SDR9C7: variants seen among roughly 807,000 people sequenced by gnomAD.
The protein encoded by SDR9C7 is short chain dehydrogenase/reductase family 9C member 7.
A neutral mutation model predicts 23.6 loss-of-function variants in SDR9C7; 11 were observed. That is an observed-to-expected ratio of 0.47 (90% CI 0.29 to 0.77). The LOEUF (loss-of-function observed/expected upper bound fraction) is 0.77. Ranked by LOEUF, SDR9C7 falls within the 30% of genes least tolerant of loss-of-function variation. SDR9C7 has a pLI of 0.09. For synonymous variants in SDR9C7, 167 were observed against 157.3 expected, an observed-to-expected ratio of 1.06 and a Z score of -0.46; for missense variants, 387 against 407.1, an observed-to-expected ratio of 0.95 and a Z score of 0.42.
intron 1 of SDR9C7, among the ~76,000 whole-genome samples, chr12:56,931,333 T>C (rs1955767228): frequency 1.3e-5 from 2 of 151,876 alleles, no homozygotes; most frequent in African/African-American, 4.8e-5. Context: ...ACACAGCATC[T>C]TATCCCTCAA....
intron 1 of SDR9C7, among the ~76,000 whole-genome samples, chr12:56,932,400 T>G (rs863459): frequency 0.27 from 41,458 of 152,072 alleles, 7,355 homozygotes; most frequent in African/African-American, 0.5. Context: ...GCTGGAAAAG[T>G]CGATGAGACG....
At chr12:56,931,099 G>T (rs1236243283) in intron 1 of SDR9C7, among the ~76,000 whole-genome samples, 1 of 152,072 alleles carries the variant, frequency 6.6e-6, no homozygotes, top group Non-Finnish European at 1.5e-5. Context: ...GTCAGGCGTG[G>T]TGGTATGTGC....
intron 3 of SDR9C7, among the ~76,000 whole-genome samples, chr12:56,924,467 T>C (rs1955720182): frequency 6.8e-6 from 1 of 146,024 alleles, no homozygotes; most frequent in Non-Finnish European, 1.5e-5. Flanking sequence ...CAAATAGTCT[T>C]ATTTATCTTT....
intron 1 of SDR9C7, 56 bp downstream of exon 1, chr12:56,933,905 G>T: frequency 6.5e-7 from 1 of 1,547,902 alleles, no homozygotes; most frequent in South Asian, 1.2e-5. Flanking sequence ...TGCTTCGGGA[G>T]AGAGGAAGAG....
intron 3 of SDR9C7, among the ~76,000 whole-genome samples, chr12:56,924,825 G>T (rs1400587868): frequency 6.6e-6 from 1 of 152,138 alleles, no homozygotes; most frequent in Non-Finnish European, 1.5e-5. Flanking sequence ...GGAGGCTGAG[G>T]CATGACAATC....
At chr12:56,925,936 G>C (rs1955731179) in intron 3 of SDR9C7, among the ~76,000 whole-genome samples, 1 of 152,228 alleles carries the variant, frequency 6.6e-6, no homozygotes, top group South Asian at 2.1e-4. Context: ...CAGACATGGG[G>C]AATGGTATGA....
Position 56,923,602 on chromosome 12 carries a change from C to T in SDR9C7, c.*231G>A, listed in dbSNP as rs1487560594. The T allele has an allele frequency of 7.2e-6, 3 of 417,544 alleles. No homozygotes were observed. Among genetic ancestry groups the T allele is most frequent in the Middle Eastern group, 6.3e-4 (1 of 1,590 alleles). 25.9% of individuals were successfully genotyped at this position (417,544 alleles called of 1,614,324 possible). The stretch of plus-strand genomic sequence containing the variant: ...CGTCCTTGGAGCTATTGCTGCAGAT[C>T]GCTGAACCTGCAAAGACCACCTCAG... On this transcript the variant is annotated 3_prime_UTR_variant, in exon 4 of 4. Transcript: ENST00000293502.
chr12:56,927,418 T>C (rs1470146521), intron 3 of SDR9C7, among the ~76,000 whole-genome samples: 1 of 152,164 alleles, frequency 6.6e-6, no homozygotes, highest in Non-Finnish European at 1.5e-5. Flanking sequence ...AGAGGATAAA[T>C]ATTCTTCCCC....
At chr12:56,924,539 T>C (rs760420064) in intron 3 of SDR9C7, among the ~76,000 whole-genome samples, 14 of 152,246 alleles carry the variant, frequency 9.2e-5, no homozygotes, top group Non-Finnish European at 2.1e-4. Flanking sequence ...TGAGAAGAAC[T>C]GTGCACATTC....
intron 1 of SDR9C7, 116 bp from the exon 2 acceptor site, chr12:56,930,600 T>C (rs2136369221): frequency 8.7e-7 from 1 of 1,150,112 alleles, no homozygotes; most frequent in Non-Finnish European, 1.2e-6. Context: ...AAGACATAAC[T>C]CGGTCAGGCT....
At chr12:56,930,072 G>A (rs1955758469) in intron 2 of SDR9C7, among the ~76,000 whole-genome samples, 154 bp downstream of exon 2, 1 of 152,074 alleles carries the variant, frequency 6.6e-6, no homozygotes, top group South Asian at 2.1e-4. Flanking sequence ...CCTGCTCTTG[G>A]TCCTTGGAGA....
At chr12:56,931,396 A>G (rs542274253) in intron 1 of SDR9C7, among the ~76,000 whole-genome samples, 1 of 151,662 alleles carries the variant, frequency 6.6e-6, no homozygotes, top group Non-Finnish European at 1.5e-5. Flanking sequence ...AATATATAAA[A>G]TATTTAAATA....
At chr12:56,926,534 C>T (rs999932261) in intron 3 of SDR9C7, among the ~76,000 whole-genome samples, 1 of 152,218 alleles carries the variant, frequency 6.6e-6, no homozygotes, top group East Asian at 1.9e-4. Flanking sequence ...ACCCACAGCA[C>T]TCCTGCCAGA....
At position 56,934,288 on chromosome 12, in the gene SDR9C7, AG is replaced by A. The variant is rs758249012; in HGVS notation, c.-28del. ...GGGCAAGGGGAATGTGATGGCCAAGAGGGACTGGGCTCAGGAGACAGCAGGG... is the reference window on the plus strand; with the variant it reads ...GGGCAAGGGGAATGTGATGGCCAAGAGGACTGGGCTCAGGAGACAGCAGGG... On this transcript the variant is annotated 5_prime_UTR_variant, in exon 1 of 4. Transcript: ENST00000293502. 52 of 1,593,742 alleles carry A rather than the reference AG, an allele frequency of 3.3e-5. No individual in the cohort carries two copies. The Admixed American group carries it at 6.2e-4, about 19-fold the overall frequency.
intron 3 of SDR9C7, among the ~76,000 whole-genome samples, chr12:56,925,035 C>T (rs118082508): frequency 0.01 from 1,552 of 151,906 alleles, 12 homozygotes; most frequent in Non-Finnish European, 0.015. Flanking sequence ...CTTCTATGTA[C>T]TTCCTAGAGT....
At chr12:56,929,271 G>T in intron 3 of SDR9C7, 119 bp downstream of exon 3, 1 of 965,206 alleles carries the variant, frequency 1.0e-6, no homozygotes, top group South Asian at 1.6e-5. Context: ...GCCACTATGT[G>T]ACCTTGGGTC....
Position 56,930,208 on chromosome 12 carries a change from G to A in SDR9C7, c.560+18C>T. 6.2e-7 allele frequency: 1 copy of A among 1,613,430 alleles called. No homozygotes were observed. ...TGGGATTTTCACCCAGAATTGTTCA[G>A]TACCAGGGCCCAGTTACCTTATGCT... On this transcript the variant is annotated intron_variant, in intron 2 of 3. Coordinates refer to ENST00000293502, the MANE Select transcript of SDR9C7 (RefSeq NM_148897.3).
rs1482698800 is a variant in SDR9C7 at position 56,923,793 on chromosome 12, C to T, written c.*40G>A. 17 of 1,453,456 alleles carry T rather than the reference C, an allele frequency of 1.2e-5. No individual in the cohort carries two copies. The highest frequency in any genetic ancestry group is 1.6e-5 in the Non-Finnish European group (17 of 1,070,196). 90.0% of individuals were successfully genotyped at this position (1,453,456 alleles called of 1,614,324 possible). On this transcript the variant is annotated 3_prime_UTR_variant, in exon 4 of 4. Coordinates refer to ENST00000293502, the MANE Select transcript of SDR9C7 (RefSeq NM_148897.3). ...TGACCCCACGGTCCTTCCTTCCTCC[C>T]CCACTTCTAGGCTCCACTGACCCAT...
At chr12:56,930,149 C>T (rs1955759076) in intron 2 of SDR9C7, 77 bp downstream of exon 2, 2 of 1,530,790 alleles carry the variant, frequency 1.3e-6, no homozygotes, top group Admixed American at 3.5e-5. Flanking sequence ...ATTCCCCTGC[C>T]CACATGCTGT....
Sources: gnomAD v4.1 joint callset for allele counts (sites outside exome capture counted in the v4.1 genomes callset) on GRCh38, gnomAD v4.1.1 for gene constraint, MANE v1.5 for transcripts, NCBI Gene and HGNC (gene_info 2026-07-23, HGNC 2026-07-21) for gene names.